Variants in KALRN observed in about 807,000 individuals in gnomAD.
KALRN encodes kalirin.
In KALRN, 70 loss-of-function variants were observed where a neutral mutation model predicts 353.7. The ratio of observed to expected loss-of-function variants is 0.20; its 90% CI spans 0.16 to 0.24. The LOEUF is 0.24. Ranked by LOEUF, KALRN falls within the 10% of genes least tolerant of loss-of-function variation. The probability of loss-of-function intolerance (pLI) is 1.00; values close to 1 mark genes in which losing one functional copy is unlikely to be tolerated. For missense variants in KALRN, 2,791 were observed against 3,756.7 expected, an observed-to-expected ratio of 0.74 and a Z score of 6.72; for synonymous variants, 1,391 against 1,434.8, an observed-to-expected ratio of 0.97 and a Z score of 0.69.
At chr3:124,045,396 C>A (rs1259409421) in intron 1 of KALRN, among the ~76,000 whole-genome samples, 1 of 152,154 alleles carries the variant, frequency 6.6e-6, no homozygotes, top group Non-Finnish European at 1.5e-5. Flanking sequence ...GCTTTAAGTG[C>A]AAGATTTTAA....
intron 5 of KALRN, among the ~76,000 whole-genome samples, chr3:124,280,871 G>A (rs1314530461): frequency 2.0e-5 from 3 of 152,014 alleles, no homozygotes; most frequent in African/African-American, 7.3e-5. Flanking sequence ...CCAACTCAAG[G>A]GTATCTACTG....
At chr3:124,308,365 T>A (rs1177867314) in intron 6 of KALRN, among the ~76,000 whole-genome samples, 2 of 151,994 alleles carry the variant, frequency 1.3e-5, no homozygotes, top group African/African-American at 4.8e-5. Flanking sequence ...AATAGCAGAC[T>A]ATATAATCTT....
At chr3:124,633,733 A>G in intron 35 of KALRN, 119 bp from the exon 36 acceptor site, 3 of 783,856 alleles carry the variant, frequency 3.8e-6, no homozygotes, top group South Asian at 3.5e-5. Flanking sequence ...GCGACTGAAC[A>G]GTTAAGAGTG....
chr3:124,619,890 T>C (rs2079083829), intron 34 of KALRN, among the ~76,000 whole-genome samples: 1 of 152,160 alleles, frequency 6.6e-6, no homozygotes, highest in Admixed American at 6.5e-5. Flanking sequence ...CCCTTTTCTC[T>C]ACATTCTCAC....
chr3:124,035,225 T>TTC (rs112624246), intron 1 of KALRN, among the ~76,000 whole-genome samples: 3,089 of 150,818 alleles, frequency 0.02, 100 homozygotes, highest in African/African-American at 0.07. Flanking sequence ...ATTTTCTTTC[T>TTC]TCTCTCTCTC....
intron 33 of KALRN, among the ~76,000 whole-genome samples, chr3:124,551,703 G>A (rs2070556022): frequency 6.6e-6 from 1 of 152,224 alleles, no homozygotes; most frequent in Non-Finnish European, 1.5e-5. Context: ...CACTTTCTGA[G>A]GGACCCCATT....
At chr3:124,294,272 G>GA (rs1253111981) in intron 5 of KALRN, among the ~76,000 whole-genome samples, 2 of 151,942 alleles carry the variant, frequency 1.3e-5, no homozygotes, top group African/African-American at 4.8e-5. Flanking sequence ...ATATGAGTGG[G>GA]AGGCAGGGCG....
chr3:124,601,412 T>A, intron 34 of KALRN, among the ~76,000 whole-genome samples: 1 of 152,238 alleles, frequency 6.6e-6, no homozygotes, highest in Non-Finnish European at 1.5e-5. Context: ...GAAAACAGAC[T>A]TGTAACCTAG....
At chr3:124,412,872 C>G (rs891940134) in intron 13 of KALRN, among the ~76,000 whole-genome samples, 1 of 152,170 alleles carries the variant, frequency 6.6e-6, no homozygotes, top group Non-Finnish European at 1.5e-5. Flanking sequence ...CAGAGCAGGA[C>G]CCTTGGGTTT....
At chr3:124,500,810 G>A (rs775219067) in intron 33 of KALRN, among the ~76,000 whole-genome samples, 8 of 152,188 alleles carry the variant, frequency 5.3e-5, no homozygotes, top group Non-Finnish European at 1.0e-4. Flanking sequence ...ATGGTTTTCT[G>A]AAAAGGTCAT....
At chr3:124,566,295 G>A (rs769254307) in intron 34 of KALRN, among the ~76,000 whole-genome samples, 15 of 152,074 alleles carry the variant, frequency 9.9e-5, no homozygotes, top group African/African-American at 1.4e-4. Context: ...AGGCTCAGGC[G>A]TTCGAGACCA....
At chr3:124,215,951 A>C (rs2077287500) in intron 1 of KALRN, among the ~76,000 whole-genome samples, 1 of 152,170 alleles carries the variant, frequency 6.6e-6, no homozygotes, top group Non-Finnish European at 1.5e-5. Context: ...CAGTGTCATG[A>C]ATCGAGGAAG....
intron 34 of KALRN, among the ~76,000 whole-genome samples, chr3:124,581,115 C>A (rs1388760970): frequency 6.6e-6 from 1 of 152,020 alleles, no homozygotes; most frequent in Non-Finnish European, 1.5e-5. Context: ...AATGTGTTGA[C>A]CTTGCCAACT....
intron 5 of KALRN, among the ~76,000 whole-genome samples, chr3:124,275,028 C>T (rs1580357189): frequency 2.0e-5 from 3 of 152,092 alleles, no homozygotes; most frequent in Non-Finnish European, 4.4e-5. Flanking sequence ...ATTGTGTTAC[C>T]GACAAAACAA....
chr3:124,055,219 A>G (rs1171915273), intron 1 of KALRN, among the ~76,000 whole-genome samples: 1 of 152,226 alleles, frequency 6.6e-6, no homozygotes, highest in Admixed American at 6.5e-5. Context: ...ACTTGGTTAT[A>G]CAATTTAATT....
At position 124,471,256 on chromosome 3, in the gene KALRN, T is replaced by TTTTTTATTA. The variant is rs377604411; in HGVS notation, c.4032-3405_4032-3404insTTTATTATT. Among the ~76,000 whole-genome samples the TTTTTTATTA allele has an allele frequency of 7.9e-3, 1,101 of 138,798 alleles. 24 individuals carry two copies. The highest frequency in any genetic ancestry group is 0.028 in the African/African-American group (1,039 of 37,422). 91.1% of individuals were successfully genotyped at this position (138,798 alleles called of 152,430 possible). A position where few individuals can be genotyped will look rare whatever the true frequency, so the allele number is the denominator to read the frequency against. ...ATCCTTACAAGCACCCCCACAAAGT[T>TTTTTTATTA]TTATTATTATTATTATTATTATTAT... On this transcript the variant is annotated intron_variant, in intron 25 of 59. Transcript: ENST00000682506.
chr3:124,219,035 T>C (rs1483617574), intron 1 of KALRN, among the ~76,000 whole-genome samples: 1 of 152,028 alleles, frequency 6.6e-6, no homozygotes, highest in East Asian at 1.9e-4. Flanking sequence ...AACATGAAGG[T>C]AGAAATAAGC....
At chr3:124,528,084 C>G (rs879857942) in intron 33 of KALRN, among the ~76,000 whole-genome samples, 3 of 152,098 alleles carry the variant, frequency 2.0e-5, no homozygotes, top group African/African-American at 7.2e-5. Context: ...TATTAATTCC[C>G]TTTGGCTACT....
intron 1 of KALRN, among the ~76,000 whole-genome samples, chr3:124,178,863 T>C (rs1016352190): frequency 6.6e-6 from 1 of 152,204 alleles, no homozygotes; most frequent in Non-Finnish European, 1.5e-5. Context: ...TCTAGAGCTT[T>C]GGAGGTCTAG....
Sources: gnomAD v4.1 joint callset for allele counts (sites outside exome capture counted in the v4.1 genomes callset) on GRCh38, gnomAD v4.1.1 for gene constraint, MANE v1.5 for transcripts, NCBI Gene and HGNC (gene_info 2026-07-23, HGNC 2026-07-21) for gene names.